Variants in C1orf21 observed in about 807,000 individuals in gnomAD.
The protein encoded by C1orf21 is chromosome 1 open reading frame 21, also known as uncharacterized protein C1orf21.
Under a neutral mutation model 18.7 loss-of-function variants are expected in C1orf21, and 3 were observed. That is an observed-to-expected ratio of 0.16 (90% CI 0.07 to 0.42). The LOEUF is 0.42. Among genes scored for constraint, C1orf21 ranks in the 10% least tolerant of loss-of-function variants. C1orf21 has a pLI of 0.99. For missense variants in C1orf21, 104 were observed against 143.6 expected (o/e 0.72, Z 1.41); for synonymous variants, 41 against 46.4 (o/e 0.88, Z 0.47).
chr1:184,528,665 G>A (rs890319533), intron 3 of C1orf21, among the ~76,000 whole-genome samples: 2 of 151,966 alleles, frequency 1.3e-5, no homozygotes, highest in African/African-American at 2.4e-5. Context: ...GGCTGGTCTC[G>A]AACTCCTGAC....
chr1:184,512,934 G>A (rs966111591), intron 3 of C1orf21, among the ~76,000 whole-genome samples: 3 of 152,254 alleles, frequency 2.0e-5, no homozygotes, highest in East Asian at 1.9e-4. Flanking sequence ...CCTGAGCTCC[G>A]CCTTCTGTCA....
chr1:184,472,794 C>T (rs1305682182), intron 1 of C1orf21, among the ~76,000 whole-genome samples: 1 of 152,028 alleles, frequency 6.6e-6, no homozygotes, highest in Non-Finnish European at 1.5e-5. Flanking sequence ...AGTAATGGAC[C>T]TACTTGCCTG....
At chr1:184,502,267 G>A (rs531023510) in intron 2 of C1orf21, among the ~76,000 whole-genome samples, 1 of 152,296 alleles carries the variant, frequency 6.6e-6, no homozygotes, top group South Asian at 2.1e-4. Flanking sequence ...GCCTTCACAT[G>A]GCAGAAAGTG....
intron 1 of C1orf21, among the ~76,000 whole-genome samples, chr1:184,455,391 T>G (rs1185830136): frequency 2.6e-5 from 4 of 152,168 alleles, no homozygotes; most frequent in Non-Finnish European, 5.9e-5. Flanking sequence ...GATTCTGTGG[T>G]CTGGGCTAGG....
chr1:184,594,568 T>A (rs1487647910), intron 4 of C1orf21, among the ~76,000 whole-genome samples: 1 of 152,154 alleles, frequency 6.6e-6, no homozygotes, highest in Non-Finnish European at 1.5e-5. Context: ...TTTAACAAAG[T>A]CTCTTGGTAC....
chr1:184,467,040 A>G (rs1159573918), intron 1 of C1orf21, among the ~76,000 whole-genome samples: 2 of 152,214 alleles, frequency 1.3e-5, no homozygotes, highest in Non-Finnish European at 2.9e-5. Flanking sequence ...TATACTAAAC[A>G]TAATTTAAGA....
At chr1:184,424,492 T>G (rs1264850095) in intron 1 of C1orf21, among the ~76,000 whole-genome samples, 2 of 152,226 alleles carry the variant, frequency 1.3e-5, no homozygotes, top group Non-Finnish European at 2.9e-5. Context: ...CCAAACGTTC[T>G]GTAAATTTTC....
At chr1:184,485,604 G>A (rs546848553) in intron 2 of C1orf21, among the ~76,000 whole-genome samples, 1 of 152,206 alleles carries the variant, frequency 6.6e-6, no homozygotes, top group South Asian at 2.1e-4. Context: ...TATGCATTAA[G>A]TGAGCACTAG....
intron 1 of C1orf21, among the ~76,000 whole-genome samples, chr1:184,436,938 C>T (rs909665974): frequency 3.3e-5 from 5 of 152,040 alleles, no homozygotes; most frequent in Non-Finnish European, 7.4e-5. Context: ...GATTGAGCGG[C>T]GGGTTGGGGG....
chr1:184,586,690 A>T (rs1158257311), intron 3 of C1orf21, among the ~76,000 whole-genome samples: 4 of 151,746 alleles, frequency 2.6e-5, no homozygotes, highest in Admixed American at 6.6e-5. Context: ...AGTTTGCAAA[A>T]TTTTTCTCCC....
intron 1 of C1orf21, among the ~76,000 whole-genome samples, chr1:184,405,653 G>T (rs932125747): frequency 6.6e-6 from 1 of 152,190 alleles, no homozygotes; most frequent in African/African-American, 2.4e-5. Context: ...GGTTGCTAGG[G>T]AACCTAGTTT....
intron 5 of C1orf21, among the ~76,000 whole-genome samples, chr1:184,608,916 C>T (rs1476094825): frequency 2.0e-5 from 3 of 152,214 alleles, no homozygotes; most frequent in African/African-American, 7.2e-5. Flanking sequence ...CTCTGGGCCT[C>T]TCTCCTTCCT....
Position 184,607,278 on chromosome 1 carries a change from G to A in C1orf21, c.327+8817G>A, listed in dbSNP as rs186042567. Among the ~76,000 whole-genome samples, 242 of 152,268 alleles carry A rather than the reference G, an allele frequency of 1.6e-3. 1 individual carries two copies. Among genetic ancestry groups the A allele is most frequent in the African/African-American group, 2.2e-3 (91 of 41,562 alleles). On this transcript the variant is annotated intron_variant, in intron 5 of 5. Coordinates refer to ENST00000235307, the MANE Select transcript of C1orf21 (RefSeq NM_030806.4). ...AAATTGAAAACAGGCACAGGGAGCC[G>A]GATGAGTATCATGGTCAGTATCTAC...
chr1:184,512,606 G>T (rs755883108), intron 3 of C1orf21, among the ~76,000 whole-genome samples: 7 of 152,180 alleles, frequency 4.6e-5, no homozygotes, highest in Non-Finnish European at 7.3e-5. Flanking sequence ...TCTTAAGGAT[G>T]GTGGTGTAAA....
At chr1:184,616,124 C>T (rs1659820935) in intron 5 of C1orf21, among the ~76,000 whole-genome samples, 4 of 152,206 alleles carry the variant, frequency 2.6e-5, no homozygotes, top group African/African-American at 9.6e-5. Flanking sequence ...CTCAGGTCTC[C>T]TTTCTTAGAA....
chr1:184,550,696 G>A (rs1370825712), intron 3 of C1orf21, among the ~76,000 whole-genome samples: 1 of 152,096 alleles, frequency 6.6e-6, no homozygotes, highest in African/African-American at 2.4e-5. Flanking sequence ...CACCTAGCCT[G>A]GCTAATTTTT....
chr1:184,404,414 G>T (rs538623472), intron 1 of C1orf21, among the ~76,000 whole-genome samples: 2 of 152,154 alleles, frequency 1.3e-5, no homozygotes, highest in African/African-American at 4.8e-5. Flanking sequence ...CAGGTTTGGT[G>T]TCTCATGAGG....
At chr1:184,425,979 C>G (rs1656630963) in intron 1 of C1orf21, among the ~76,000 whole-genome samples, 1 of 152,188 alleles carries the variant, frequency 6.6e-6, no homozygotes, top group African/African-American at 2.4e-5. Context: ...AATAGTGATT[C>G]AATTGGGTCT....
chr1:184,390,405 A>T (rs1655953850), intron 1 of C1orf21, among the ~76,000 whole-genome samples: 2 of 152,188 alleles, frequency 1.3e-5, no homozygotes, highest in Admixed American at 6.5e-5. Context: ...GAGTGAGGGT[A>T]TGGCAGGTCT....
Sources: allele counts gnomAD v4.1 joint callset (sites outside exome capture counted in the v4.1 genomes callset), GRCh38; gene constraint gnomAD v4.1.1; transcripts MANE v1.5; gene names NCBI Gene and HGNC (gene_info 2026-07-23, HGNC 2026-07-21).